Variants in MYLK4 observed in about 807,000 individuals in gnomAD.
The protein encoded by MYLK4 is myosin light chain kinase family member 4.
In MYLK4, 46 loss-of-function variants were observed where a neutral mutation model predicts 48.1. That is an observed-to-expected ratio of 0.96 (90% CI 0.75 to 1.22). The LOEUF (loss-of-function observed/expected upper bound fraction) is 1.22. Among genes scored for constraint, MYLK4 ranks in the 50% most tolerant of loss-of-function variants. The probability of loss-of-function intolerance (pLI) is 0.00; values close to 1 mark genes in which losing one functional copy is unlikely to be tolerated. For missense variants in MYLK4, 451 were observed against 486.1 expected (o/e 0.93, Z 0.68); for synonymous variants, 170 against 180.8 (o/e 0.94, Z 0.48).
the MYLK4 span, chr6:2,768,785 G>A: frequency 1.9e-6 from 3 of 1,613,802 alleles, no homozygotes; most frequent in East Asian, 2.2e-5. Context: ...AATGATGTGC[G>A]AGATGTCATA....
chr6:2,702,287 A>T (rs1053494459), intron 2 of MYLK4, among the ~76,000 whole-genome samples: 2 of 152,236 alleles, frequency 1.3e-5, no homozygotes, highest in African/African-American at 4.8e-5. Context: ...ACCAAGGCAA[A>T]CCAAGCTCTG....
At chr6:2,668,598 T>A (rs926244581) in intron 12 of MYLK4, among the ~76,000 whole-genome samples, 1 of 152,242 alleles carries the variant, frequency 6.6e-6, no homozygotes, top group Non-Finnish European at 1.5e-5. Context: ...ACCAGATTTT[T>A]AAAATCAATA....
chr6:2,762,688 T>C, the MYLK4 span, among the ~76,000 whole-genome samples: 1 of 152,240 alleles, frequency 6.6e-6, no homozygotes, highest in Non-Finnish European at 1.5e-5. Flanking sequence ...ACTTGATGAA[T>C]AAACGCATAG....
At chr6:2,768,124 C>T in the MYLK4 span, among the ~76,000 whole-genome samples, 2 of 152,208 alleles carry the variant, frequency 1.3e-5, no homozygotes, top group Admixed American at 6.5e-5. Flanking sequence ...AATGTGACCA[C>T]AGTGCTGCCC....
At chr6:2,750,611 T>C (rs1188609011) in intron 1 of MYLK4, 125 bp downstream of exon 1, 1 of 152,078 alleles carries the variant, frequency 6.6e-6, no homozygotes, top group Non-Finnish European at 1.5e-5. Flanking sequence ...TAAGATACAA[T>C]AATTTTGCAA....
chr6:2,751,769 A>G (rs896708877), upstream of MYLK4, among the ~76,000 whole-genome samples: 1 of 152,180 alleles, frequency 6.6e-6, no homozygotes, highest in African/African-American at 2.4e-5. Context: ...ATTCAGATCG[A>G]TGCATTCCAT....
At chr6:2,760,346 T>C in the MYLK4 span, among the ~76,000 whole-genome samples, 1 of 152,252 alleles carries the variant, frequency 6.6e-6, no homozygotes, top group African/African-American at 2.4e-5. Flanking sequence ...CCTCTCCTTG[T>C]AGAATCCAGG....
upstream of MYLK4, among the ~76,000 whole-genome samples, chr6:2,754,403 A>G (rs1764373103): frequency 6.6e-6 from 1 of 152,216 alleles, no homozygotes; most frequent in Admixed American, 6.5e-5. Flanking sequence ...ACACTGTGCT[A>G]ATTGAAAAAA....
chr6:2,756,454 C>T, the MYLK4 span, among the ~76,000 whole-genome samples: 1 of 152,136 alleles, frequency 6.6e-6, no homozygotes, highest in East Asian at 1.9e-4. Flanking sequence ...TTCAAGGAGC[C>T]CTCCTTCCTC....
chr6:2,766,588 C>T, the MYLK4 span: 41 of 1,365,158 alleles, frequency 3.0e-5, no homozygotes, highest in East Asian at 2.7e-5. Context: ...TGGGCTGGGG[C>T]AGTGCCTGGT....
chr6:2,690,619 T>C (rs1165918272), intron 3 of MYLK4, among the ~76,000 whole-genome samples: 1 of 151,982 alleles, frequency 6.6e-6, no homozygotes, highest in Non-Finnish European at 1.5e-5. Flanking sequence ...ACGCTCCCCA[T>C]CAAGTCTATG....
chr6:2,688,368 C>T (rs1761641849), intron 4 of MYLK4, among the ~76,000 whole-genome samples: 1 of 152,132 alleles, frequency 6.6e-6, no homozygotes, highest in Non-Finnish European at 1.5e-5. Flanking sequence ...CTTTAATCTT[C>T]CTTCTTTAGG....
chr6:2,699,282 C>CTTTTTTTTTTTTT (rs1762184790), intron 2 of MYLK4, among the ~76,000 whole-genome samples: 2 of 63,580 alleles, frequency 3.1e-5, no homozygotes, highest in African/African-American at 1.2e-4. Context: ...CTTTTCTTTT[C>CTTTTTTTTTTTTT]TTTTCTTTTT....
chr6:2,712,449 C>T (rs777009010), intron 2 of MYLK4, among the ~76,000 whole-genome samples: 5 of 152,166 alleles, frequency 3.3e-5, no homozygotes, highest in South Asian at 2.1e-4. Context: ...CAAAGTACAT[C>T]GCCAGTGATG....
At chr6:2,676,203 T>C (rs1420892357) in intron 10 of MYLK4, among the ~76,000 whole-genome samples, 1 of 152,218 alleles carries the variant, frequency 6.6e-6, no homozygotes, top group Non-Finnish European at 1.5e-5. Flanking sequence ...CTTCAGTTTG[T>C]AGGATTGCTT....
Position 2,685,507 on chromosome 6 carries a change from G to A in MYLK4, c.411C>T (p.Ile137=), listed in dbSNP as rs1761501061. 1 of 1,614,154 alleles carries A rather than the reference G, an allele frequency of 6.2e-7. No individual in the cohort carries two copies. The highest frequency in any genetic ancestry group is 8.5e-7 in the Non-Finnish European group (1 of 1,180,006). The change falls in exon 5 of 13, where the codon ATC becomes ATT. Residue 137 remains isoleucine (I), a synonymous_variant. Coordinates refer to ENST00000274643, the MANE Select transcript of MYLK4 (RefSeq NM_001012418.5). This position sits in a 1 kb window ranked among gnomAD's most constrained non-coding sequence, Gnocchi z 4.5. ...CCTTGTCCTTCATGCCTCTGGTCTT[G>A]ATGATTTTGGCTGCCAGCTTCAGAC... The part of the protein sequence containing the change: ...ATGLKLAAKI[I]KTRGMKDKEE...
At chr6:2,707,169 A>T (rs9328120) in intron 2 of MYLK4, among the ~76,000 whole-genome samples, 1 of 152,068 alleles carries the variant, frequency 6.6e-6, no homozygotes. Flanking sequence ...AGCTATTTCA[A>T]CCAACTGCAG....
chr6:2,694,125 G>A (rs1761924599), intron 2 of MYLK4, among the ~76,000 whole-genome samples: 1 of 152,092 alleles, frequency 6.6e-6, no homozygotes, highest in African/African-American at 2.4e-5. Context: ...TTTTTTAGAT[G>A]GTGAACTTAA....
At chr6:2,765,776 G>A in the MYLK4 span, 5 of 1,454,984 alleles carry the variant, frequency 3.4e-6, no homozygotes, top group East Asian at 3.0e-5. Flanking sequence ...GGAGCCCGCG[G>A]CCGGGTCGCA....
Sources: gnomAD v4.1 joint callset for allele counts (sites outside exome capture counted in the v4.1 genomes callset) on GRCh38, gnomAD v4.1.1 for gene constraint, Gnocchi (gnomAD v3.1) non-coding constraint, MANE v1.5 for transcripts, NCBI Gene and HGNC (gene_info 2026-07-23, HGNC 2026-07-21) for gene names.